Variants in CLEC1A observed in about 807,000 individuals in gnomAD.
CLEC1A encodes the protein C-type lectin domain family 1 member A.
A neutral mutation model predicts 28.7 loss-of-function variants in CLEC1A; 34 were observed. The ratio of observed to expected loss-of-function variants is 1.18; its 90% CI spans 0.90 to 1.57. CLEC1A has a LOEUF of 1.57. Ranked by LOEUF, CLEC1A falls within the 40% of genes most tolerant of loss-of-function variation. The pLI is 0.00. For missense variants in CLEC1A, 385 were observed against 339.5 expected (o/e 1.13, Z -1.05); for synonymous variants, 116 against 121.0 (o/e 0.96, Z 0.27).
chr12:10,089,153 A>C lies in CLEC1A; in HGVS notation c.185T>G (p.Leu62Arg), dbSNP rs1469825152. ...AAGCCCCAGGGCTGCCAGCCCTATCAGCAGCACCAAGCACAAAGTCAGCAG... is the reference window on the plus strand; with the variant it reads ...AAGCCCCAGGGCTGCCAGCCCTATCCGCAGCACCAAGCACAAAGTCAGCAG... ...LTLLTLCLVL[L>R]IGLAALGLLF... Residue 62 changes from leucine to arginine, a missense_variant, in exon 2 of 6, where the codon CTG (leucine) becomes CGG (arginine). Coordinates refer to ENST00000315330, the MANE Select transcript of CLEC1A (RefSeq NM_016511.4). The C allele has an allele frequency of 1.2e-6, 2 of 1,613,930 alleles. No individual in the cohort carries two copies. Among genetic ancestry groups the C allele is most frequent in the Non-Finnish European group, 8.5e-7 (1 of 1,179,896 alleles).
rs776906519 is a variant in CLEC1A at position 10,071,416 on chromosome 12, G to A, written c.760C>T (p.Arg254Cys). The A allele has an allele frequency of 3.3e-5, 53 of 1,613,808 alleles. No homozygotes were observed. In the East Asian group the frequency reaches 3.3e-4, roughly 10 times the overall value. ...CCTGCCCTTCTCTCACAGACACAAC[G>A]CTTCAATTCTTTGCAGTCCTTTGAG... is the stretch of plus-strand genomic sequence containing the variant. ...IFSKDCKELK[R>C]CVCERRAGMV... Residue 254 changes from arginine (R) to cysteine (C), a missense_variant, in exon 6 of 6, where the codon CGT (arginine) becomes TGT (cysteine). Physicochemically the swap from Arg to Cys is radical, Grantham distance 180 (BLOSUM62 -3). Coordinates refer to ENST00000315330, the MANE Select transcript of CLEC1A (RefSeq NM_016511.4).
intron 1 of CLEC1A, among the ~76,000 whole-genome samples, chr12:10,093,697 T>C (rs7979762): frequency 0.76 from 114,879 of 151,918 alleles, 45,188 homozygotes; most frequent in Non-Finnish European, 0.88. Flanking sequence ...AGGATTAAAT[T>C]ATGTTTAACG....
At position 10,071,290 on chromosome 12, in the gene CLEC1A, C is replaced by A; in HGVS notation, c.*43G>T. On this transcript the variant is annotated 3_prime_UTR_variant, in exon 6 of 6. Coordinates refer to ENST00000315330, the MANE Select transcript of CLEC1A (RefSeq NM_016511.4). The stretch of plus-strand genomic sequence containing the variant: ...ATGTCTCAACTAGCCCTTGCTTTGG[C>A]ACCGCCTGGCTCACTCTGCTATTTG... 1 of 1,576,778 alleles carries A rather than the reference C, an allele frequency of 6.3e-7. No homozygotes were observed. Among genetic ancestry groups the A allele is most frequent in the South Asian group, 1.2e-5 (1 of 85,610 alleles).
intron 3 of CLEC1A, among the ~76,000 whole-genome samples, chr12:10,078,708 T>G (rs187189891): frequency 1.2e-4 from 19 of 152,304 alleles, no homozygotes; most frequent in Non-Finnish European, 2.8e-4. Context: ...GAAATGCTGG[T>G]TGATATAGTT....
chr12:10,081,528 C>A, intron 2 of CLEC1A, 115 bp from the exon 3 acceptor site: 4 of 671,282 alleles, frequency 6.0e-6, no homozygotes, highest in African/African-American at 2.4e-5. Context: ...TCTGAGTTCT[C>A]ATATTGCCTA....
Position 10,075,599 on chromosome 12 carries a change from G to T in CLEC1A, c.448C>A (p.Gln150Lys), listed in dbSNP as rs1406745374. 1 of 1,613,986 alleles carries T rather than the reference G, an allele frequency of 6.2e-7. No homozygotes were observed. The highest frequency in any genetic ancestry group is 1.3e-5 in the African/African-American group (1 of 75,012). ...QWKWHGDNCYQFYKDSKSWED... is the reference protein window; with the variant it reads ...QWKWHGDNCYKFYKDSKSWED... Reference sequence around the variant, plus strand: ...CAACTTTTGCTGTCTTTATAGAACTGGTAGCAATTGTCTCCATGCCATTTC... The same window carrying T: ...CAACTTTTGCTGTCTTTATAGAACTTGTAGCAATTGTCTCCATGCCATTTC... Residue 150 changes from glutamine to lysine, a missense_variant, in exon 4 of 6, where the codon CAG (glutamine) becomes AAG (lysine). Coordinates refer to ENST00000315330, the MANE Select transcript of CLEC1A (RefSeq NM_016511.4).
intron 4 of CLEC1A, among the ~76,000 whole-genome samples, chr12:10,074,453 T>G (rs1866208075): frequency 1.3e-5 from 2 of 152,104 alleles, no homozygotes; most frequent in Admixed American, 1.3e-4. Flanking sequence ...ATGAAAAAGA[T>G]TTAAATATAT....
intron 2 of CLEC1A, among the ~76,000 whole-genome samples, chr12:10,085,765 A>C (rs1866480128): frequency 6.6e-6 from 1 of 152,214 alleles, no homozygotes; most frequent in Non-Finnish European, 1.5e-5. Context: ...CAGGTCTTGA[A>C]GACAGAAAGT....
intron 1 of CLEC1A, among the ~76,000 whole-genome samples, chr12:10,090,431 T>A (rs1489968393): frequency 6.6e-6 from 1 of 152,056 alleles, no homozygotes; most frequent in Non-Finnish European, 1.5e-5. Flanking sequence ...TTTTTTCCTA[T>A]ATTTTTGTTG....
Position 10,075,646 on chromosome 12 carries a change from C to T in CLEC1A, c.401G>A (p.Cys134Tyr). Residue 134 changes from cysteine to tyrosine, a missense_variant, in exon 4 of 6, where the codon TGC (cysteine) becomes TAC (tyrosine). Coordinates refer to ENST00000315330, the MANE Select transcript of CLEC1A (RefSeq NM_016511.4). ...TTTCCATTGTTCTGTACAAGGGCTG[C>T]ACCTGTGTGCTTGGAAAAAAGCCAA... The part of the protein sequence containing the change: ...ELYNKAGAHR[C>Y]SPCTEQWKWH... 1 of 1,611,994 alleles carries T rather than the reference C, an allele frequency of 6.2e-7. No homozygotes were observed. Among genetic ancestry groups the T allele is most frequent in the Non-Finnish European group, 8.5e-7 (1 of 1,179,158 alleles).
intron 2 of CLEC1A, chr12:10,084,457 T>C (rs953245816): frequency 4.6e-5 from 7 of 152,102 alleles, no homozygotes; most frequent in African/African-American, 1.7e-4. Context: ...GAGAAATTCA[T>C]TGAAAAAGAT....
intron 2 of CLEC1A, among the ~76,000 whole-genome samples, chr12:10,087,864 TATAA>T (rs1403566477): frequency 6.6e-6 from 1 of 151,796 alleles, no homozygotes; most frequent in Non-Finnish European, 1.5e-5. Context: ...TATGTATATT[TATAA>T]ATAAATAAAT....
At chr12:10,093,291 G>A (rs1409428238) in intron 1 of CLEC1A, among the ~76,000 whole-genome samples, 1 of 149,128 alleles carries the variant, frequency 6.7e-6, no homozygotes, top group East Asian at 2.0e-4. Flanking sequence ...CCCCTTTGCT[G>A]TCTCCTGAGG....
At chr12:10,079,005 A>G (rs1270329094) in intron 3 of CLEC1A, among the ~76,000 whole-genome samples, 1 of 152,204 alleles carries the variant, frequency 6.6e-6, no homozygotes, top group African/African-American at 2.4e-5. Flanking sequence ...TGTTTCTTGT[A>G]TAGCCTGCAG....
chr12:10,091,401 G>GTT (rs146151164), intron 1 of CLEC1A, among the ~76,000 whole-genome samples: 2 of 151,592 alleles, frequency 1.3e-5, no homozygotes, highest in African/African-American at 4.9e-5. Context: ...TTTTGTTTTT[G>GTT]TTTTTTTTGT....
intron 3 of CLEC1A, 81 bp downstream of exon 3, chr12:10,081,156 T>C (rs1866358992): frequency 3.2e-6 from 4 of 1,257,982 alleles, no homozygotes; most frequent in Admixed American, 2.5e-5. Flanking sequence ...TAAATAATAC[T>C]TGACTCTCAC....
At position 10,098,886 on chromosome 12, in the gene CLEC1A, C is replaced by A; in HGVS notation, c.37G>T (p.Asp13Tyr). The change falls in exon 1 of 6, where the codon GAT (aspartate) becomes TAT (tyrosine). Residue 13 changes from aspartate to tyrosine, a missense_variant. Physicochemically the swap from Asp to Tyr is radical, Grantham distance 160. Coordinates refer to ENST00000315330, the MANE Select transcript of CLEC1A (RefSeq NM_016511.4). ...CTCATGGTGGTGTCCCCATCATCAT[C>A]CAGCATGTCCCTCGTGCTGCTGTAC... Reference protein sequence around the residue: ...AKYSSTRDMLDDDGDTTMSLH... With the variant: ...AKYSSTRDMLYDDGDTTMSLH... 1 of 1,613,612 alleles carries A rather than the reference C, an allele frequency of 6.2e-7. No homozygotes were observed. Among genetic ancestry groups the A allele is most frequent in the Non-Finnish European group, 8.5e-7 (1 of 1,179,796 alleles).
chr12:10,095,819 T>C (rs1947769203), intron 1 of CLEC1A, among the ~76,000 whole-genome samples: 1 of 152,208 alleles, frequency 6.6e-6, no homozygotes, highest in Non-Finnish European at 1.5e-5. Context: ...TTGAATTTAT[T>C]GTCTCTTGAT....
Position 10,098,934 on chromosome 12 carries a change from C to T in CLEC1A, c.-12G>A, listed in dbSNP as rs1472029607. On this transcript the variant is annotated 5_prime_UTR_variant, in exon 1 of 6. Coordinates refer to ENST00000315330, the MANE Select transcript of CLEC1A (RefSeq NM_016511.4). The stretch of plus-strand genomic sequence containing the variant: ...TACTTGGCCTGCATCTGGATTCCTA[C>T]AGCGGTGAGAGTGAAATGTGGTCGG... 6.3e-7 allele frequency: 1 copy of T among 1,596,352 alleles called. No homozygotes were observed.
Sources: allele counts gnomAD v4.1 joint callset (sites outside exome capture counted in the v4.1 genomes callset), GRCh38; gene constraint gnomAD v4.1.1; transcripts MANE v1.5; gene names NCBI Gene and HGNC (gene_info 2026-07-23, HGNC 2026-07-21).